The following FOXP1 variants were observed in gnomAD, a reference collection of about 807,000 sequenced individuals.
FOXP1 encodes forkhead box protein P1.
Under a neutral mutation model 98.2 loss-of-function variants are expected in FOXP1, and 15 were observed. The observed-to-expected ratio is 0.15, with a 90% CI of 0.10 to 0.24. The LOEUF (loss-of-function observed/expected upper bound fraction) is 0.24, where lower values mean the gene tolerates loss of function less well. Ranked by LOEUF, FOXP1 falls within the 10% of genes least tolerant of loss-of-function variation. The pLI is 1.00. For synonymous variants in FOXP1, 371 were observed against 314.5 expected, an observed-to-expected ratio of 1.18 and a Z score of -1.90; for missense variants, 633 against 848.5, an observed-to-expected ratio of 0.75 and a Z score of 3.15.
chr3:71,568,616 G>T (rs1348433789), intron 2 of FOXP1, among the ~76,000 whole-genome samples: 1 of 151,398 alleles, frequency 6.6e-6, no homozygotes, highest in Non-Finnish European at 1.5e-5. Flanking sequence ...TTATACAGCT[G>T]GTCTTCTGCT....
At chr3:71,304,964 T>C (rs2074152149) in intron 4 of FOXP1, among the ~76,000 whole-genome samples, 1 of 152,182 alleles carries the variant, frequency 6.6e-6, no homozygotes, top group Non-Finnish European at 1.5e-5. Context: ...TGAAATATCT[T>C]CACACAGGAC....
intron 2 of FOXP1, among the ~76,000 whole-genome samples, chr3:71,562,119 T>C (rs139965958): frequency 4.9e-4 from 75 of 152,280 alleles, no homozygotes; most frequent in Non-Finnish European, 8.7e-4. Flanking sequence ...TCCTCCGAGC[T>C]GTCAAGAAAT....
chr3:71,332,765 C>T (rs2076415965), intron 4 of FOXP1: 1 of 152,224 alleles, frequency 6.6e-6, no homozygotes, highest in East Asian at 1.9e-4. Context: ...AATCAAGTGA[C>T]CAGTGTCACT....
At chr3:71,213,333 G>A (rs938264377) in intron 5 of FOXP1, among the ~76,000 whole-genome samples, 1 of 152,154 alleles carries the variant, frequency 6.6e-6, no homozygotes, top group African/African-American at 2.4e-5. Flanking sequence ...TTTACATTCA[G>A]CAGAATTTTA....
At chr3:71,107,010 C>A (rs553371225) in intron 7 of FOXP1, among the ~76,000 whole-genome samples, 59 of 152,112 alleles carry the variant, frequency 3.9e-4, no homozygotes, top group Non-Finnish European at 4.6e-4. Flanking sequence ...CTTAAGTGAT[C>A]TGCCTGCCTC....
At chr3:71,171,518 T>C (rs2061652811) in intron 6 of FOXP1, among the ~76,000 whole-genome samples, 1 of 152,228 alleles carries the variant, frequency 6.6e-6, no homozygotes, top group African/African-American at 2.4e-5. Context: ...CCATGGCTTC[T>C]CTCTGCTTTG....
chr3:71,459,575 C>T (rs2087821234), intron 3 of FOXP1, among the ~76,000 whole-genome samples: 1 of 152,300 alleles, frequency 6.6e-6, no homozygotes, highest in Middle Eastern at 3.4e-3. Flanking sequence ...AGGCAATCTC[C>T]CTCTTCGTCT....
At chr3:71,349,164 A>G (rs1003333659) in intron 4 of FOXP1, among the ~76,000 whole-genome samples, 2 of 119,800 alleles carry the variant, frequency 1.7e-5, no homozygotes, top group Non-Finnish European at 3.9e-5. Flanking sequence ...AAGGTATTAA[A>G]TCAGCTATAA....
chr3:70,985,969 C>A (rs1041258698), intron 14 of FOXP1, among the ~76,000 whole-genome samples: 2 of 152,160 alleles, frequency 1.3e-5, no homozygotes, highest in Non-Finnish European at 2.9e-5. Context: ...CAAAAATATT[C>A]GTGCCGATTT....
rs1047955394 is a variant in FOXP1 at position 70,971,892 on chromosome 3, T to G, written c.1652+663A>C. 4 of 707,478 alleles carry G rather than the reference T, an allele frequency of 5.7e-6. No homozygotes were observed. The Admixed American group carries it at 1.1e-4, about 20-fold the overall frequency. The allele number at this position is 707,478 out of a possible 1,614,324, so 43.8% of individuals were successfully genotyped here. A position where few individuals can be genotyped will look rare whatever the true frequency, so the allele number is the denominator to read the frequency against. ...CATGTACAAATCACACAATTTAGTT[T>G]CGTTGCAGAAAGCTGTGGCACTGCT... is the stretch of plus-strand genomic sequence containing the variant. On this transcript the variant is annotated intron_variant, in intron 18 of 20. Transcript: ENST00000649528.
At chr3:71,116,392 C>T (rs750978337) in intron 6 of FOXP1, among the ~76,000 whole-genome samples, 1 of 152,054 alleles carries the variant, frequency 6.6e-6, no homozygotes. Context: ...AAACTGCAGC[C>T]GACCTACTGA....
rs1281562923 is a variant in FOXP1 at position 71,135,621 on chromosome 3, C to T, written c.181-22984G>A. Reference sequence around the variant, plus strand: ...TCACCGCCAGCTTAACAACAGATGGCTAGAAAACTTTCATTATGTTGCACA... The same window carrying T: ...TCACCGCCAGCTTAACAACAGATGGTTAGAAAACTTTCATTATGTTGCACA... On this transcript the variant is annotated intron_variant, in intron 6 of 20. Coordinates refer to ENST00000649528, the MANE Select transcript of FOXP1 (RefSeq NM_001349338.3). Among the ~76,000 whole-genome samples, 5 of 152,298 alleles carry T rather than the reference C, an allele frequency of 3.3e-5. No homozygotes were observed. In the East Asian group the frequency reaches 9.7e-4, roughly 29 times the overall value.
intron 7 of FOXP1, among the ~76,000 whole-genome samples, chr3:71,070,688 G>A (rs1388504725): frequency 1.3e-5 from 2 of 152,200 alleles, no homozygotes; most frequent in African/African-American, 4.8e-5. Context: ...CCAGCTGAAG[G>A]AGGGCTCTGG....
chr3:71,375,417 G>A (rs1447069741), intron 3 of FOXP1, among the ~76,000 whole-genome samples: 1 of 152,136 alleles, frequency 6.6e-6, no homozygotes, highest in Non-Finnish European at 1.5e-5. Context: ...TATGATTTTG[G>A]TGTTATTTAA....
At chr3:71,546,423 C>T (rs1302609450) in intron 2 of FOXP1, among the ~76,000 whole-genome samples, 1 of 152,166 alleles carries the variant, frequency 6.6e-6, no homozygotes. Flanking sequence ...GTCCAAATTT[C>T]GTGATCAAGT....
chr3:71,063,694 T>C (rs1207503132), intron 7 of FOXP1, among the ~76,000 whole-genome samples: 2 of 152,200 alleles, frequency 1.3e-5, no homozygotes, highest in South Asian at 2.1e-4. Flanking sequence ...GCTTAATTTT[T>C]CCCCCACATG....
At chr3:71,553,283 A>T (rs990066555) in intron 2 of FOXP1, among the ~76,000 whole-genome samples, 3 of 152,178 alleles carry the variant, frequency 2.0e-5, no homozygotes, top group African/African-American at 7.2e-5. Flanking sequence ...TATTTTTACA[A>T]GATGAAATTC....
At chr3:70,986,470 T>C (rs778667555) in intron 14 of FOXP1, among the ~76,000 whole-genome samples, 3 of 152,232 alleles carry the variant, frequency 2.0e-5, no homozygotes, top group African/African-American at 4.8e-5. Context: ...GTGCAAAGAT[T>C]TGAACCCTTC....
At chr3:71,218,274 T>C (rs904496579) in intron 5 of FOXP1, among the ~76,000 whole-genome samples, 4 of 152,234 alleles carry the variant, frequency 2.6e-5, no homozygotes, top group African/African-American at 9.6e-5. Context: ...AAGTAACTGA[T>C]AGTGATGGTA....
Sources: gnomAD v4.1 joint callset for allele counts (sites outside exome capture counted in the v4.1 genomes callset) on GRCh38, gnomAD v4.1.1 for gene constraint, MANE v1.5 for transcripts, NCBI Gene and HGNC (gene_info 2026-07-23, HGNC 2026-07-21) for gene names.